The following STXBP5L variants were observed in gnomAD, a reference collection of about 807,000 sequenced individuals.
STXBP5L encodes syntaxin binding protein 5L.
A neutral mutation model predicts 144.5 loss-of-function variants in STXBP5L; 65 were observed. The observed-to-expected ratio is 0.45, with a 90% CI of 0.37 to 0.55. The LOEUF is 0.55. Ranked by LOEUF, STXBP5L falls within the 20% of genes least tolerant of loss-of-function variation. STXBP5L has a pLI of 0.00. For missense variants in STXBP5L, 1,298 were observed against 1,405.5 expected (o/e 0.92, Z 1.22); for synonymous variants, 505 against 469.6 (o/e 1.08, Z -0.97).
At position 121,036,997 on chromosome 3, in the gene STXBP5L, G is replaced by A. The variant is rs115128027; in HGVS notation, c.288-4703G>A. Among the ~76,000 whole-genome samples, 1,012 of 151,980 alleles carry A rather than the reference G, an allele frequency of 6.7e-3. 7 individuals carry two copies. Among genetic ancestry groups the A allele is most frequent in the African/African-American group, 0.022 (893 of 41,484 alleles). On this transcript the variant is annotated intron_variant, in intron 3 of 26. Transcript: ENST00000471454. ...GCTTGAGTTCAGTGGCATGGTCATA[G>A]CTCACTAAAGCCTCAAACTCCTGGG...
chr3:121,180,407 C>T, intron 9 of STXBP5L, among the ~76,000 whole-genome samples: 1 of 152,180 alleles, frequency 6.6e-6, no homozygotes, highest in Non-Finnish European at 1.5e-5. Context: ...GCCACTACTA[C>T]ACCAGCAGTA....
At chr3:121,260,977 G>A (rs1436049722) in intron 18 of STXBP5L, among the ~76,000 whole-genome samples, 3 of 152,116 alleles carry the variant, frequency 2.0e-5, no homozygotes, top group Non-Finnish European at 4.4e-5. Context: ...ATAGCCTACT[G>A]TTTCATTATT....
rs191123632 is a variant in STXBP5L at position 120,940,870 on chromosome 3, A to G, written c.190-14070A>G. ...TGGCAAGAATTGGGCCTGTTAATAT[A>G]TATAATTTGATGTGTTTCTTTGAAG... is the stretch of plus-strand genomic sequence containing the variant. On this transcript the variant is annotated intron_variant, in intron 2 of 26. Coordinates refer to ENST00000471454, the MANE Select transcript of STXBP5L (RefSeq NM_001308330.2). Among the ~76,000 whole-genome samples, 14 of 151,802 alleles carry G rather than the reference A, an allele frequency of 9.2e-5. No homozygotes were observed. The East Asian group carries it at 1.4e-3, about 15-fold the overall frequency.
chr3:121,312,841 A>G (rs2043592274), intron 19 of STXBP5L, among the ~76,000 whole-genome samples: 1 of 152,106 alleles, frequency 6.6e-6, no homozygotes, highest in Non-Finnish European at 1.5e-5. Context: ...ACAAAATGAA[A>G]AGTCTCCCAT....
intron 10 of STXBP5L, among the ~76,000 whole-genome samples, chr3:121,210,062 T>C (rs913931031): frequency 6.6e-6 from 1 of 152,302 alleles, no homozygotes; most frequent in African/African-American, 2.4e-5. Flanking sequence ...AGTGTAAAAG[T>C]GTTCCTATTT....
Position 121,318,460 on chromosome 3 carries a change from TCA to T in STXBP5L, c.2111-14_2111-13del. 6.5e-7 allele frequency: 1 copy of T among 1,537,322 alleles called. No homozygotes were observed. Reference sequence around the variant, plus strand: ...CTAGCAAAATTTATCTCATTTTTTTTCATTGTATTTTCAGGTTTAACTGAACT... The same window carrying T: ...CTAGCAAAATTTATCTCATTTTTTTTTTGTATTTTCAGGTTTAACTGAACT... On this transcript the variant is annotated splice_polypyrimidine_tract_variant and intron_variant, in intron 19 of 26. Coordinates refer to ENST00000471454, the MANE Select transcript of STXBP5L (RefSeq NM_001308330.2).
chr3:120,924,357 A>G (rs1049152306), intron 2 of STXBP5L, among the ~76,000 whole-genome samples: 1 of 152,212 alleles, frequency 6.6e-6, no homozygotes, highest in African/African-American at 2.4e-5. Flanking sequence ...TACAGGCATA[A>G]GACTTCTATT....
chr3:121,262,571 T>C (rs1383487983), intron 18 of STXBP5L, among the ~76,000 whole-genome samples: 1 of 151,964 alleles, frequency 6.6e-6, no homozygotes, highest in Non-Finnish European at 1.5e-5. Context: ...TGCAGTGAGT[T>C]GAGATTGTGC....
At chr3:120,994,608 A>T (rs1943190524) in intron 3 of STXBP5L, among the ~76,000 whole-genome samples, 1 of 152,008 alleles carries the variant, frequency 6.6e-6, no homozygotes. Context: ...ATGTTGAAGT[A>T]CCCTTGCCTC....
At position 121,118,392 on chromosome 3, in the gene STXBP5L, A is replaced by G. The variant is rs2044320822; in HGVS notation, c.606-3249A>G. ...GAACATTCCGGGCAGAGGGAACAGA[A>G]TATTTAAAGGATGGAATATAAGATA... is the stretch of plus-strand genomic sequence containing the variant. On this transcript the variant is annotated intron_variant, in intron 6 of 26. Coordinates refer to ENST00000471454, the MANE Select transcript of STXBP5L (RefSeq NM_001308330.2). Among the ~76,000 whole-genome samples, 9 of 151,830 alleles carry G rather than the reference A, an allele frequency of 5.9e-5. 1 individual carries two copies. The South Asian group carries it at 1.9e-3, about 31-fold the overall frequency.
chr3:121,215,209 G>T (rs1366505629), intron 10 of STXBP5L, among the ~76,000 whole-genome samples: 1 of 152,064 alleles, frequency 6.6e-6, no homozygotes, highest in Non-Finnish European at 1.5e-5. Context: ...TACATTTAAG[G>T]TTAATATTGT....
intron 5 of STXBP5L, among the ~76,000 whole-genome samples, chr3:121,047,071 A>G (rs1282788097): frequency 6.6e-6 from 1 of 152,118 alleles, no homozygotes; most frequent in Non-Finnish European, 1.5e-5. Context: ...CAGTAGTTCC[A>G]GAGAATTTCT....
intron 10 of STXBP5L, 66 bp from the exon 11 acceptor site, chr3:121,222,937 T>A (rs2049017216): frequency 1.3e-6 from 2 of 1,515,632 alleles, no homozygotes; most frequent in African/African-American, 2.8e-5. Flanking sequence ...CTTTATAGGT[T>A]CAGTCCTGTG....
At chr3:121,169,577 A>G (rs2046629993) in intron 9 of STXBP5L, among the ~76,000 whole-genome samples, 1 of 152,246 alleles carries the variant, frequency 6.6e-6, no homozygotes, top group Non-Finnish European at 1.5e-5. Flanking sequence ...CTTTAAACCA[A>G]CAAAGATCAA....
At chr3:121,368,515 G>A (rs1455756604) in intron 20 of STXBP5L, among the ~76,000 whole-genome samples, 2 of 150,950 alleles carry the variant, frequency 1.3e-5, no homozygotes, top group South Asian at 4.2e-4. Flanking sequence ...CTTTCAATGG[G>A]CCATCCTTCC....
chr3:121,137,464 C>T (rs771597396), intron 7 of STXBP5L, among the ~76,000 whole-genome samples: 10 of 152,028 alleles, frequency 6.6e-5, no homozygotes, highest in Non-Finnish European at 1.5e-4. Context: ...ATACCAAAAC[C>T]AGGTAAGGAC....
intron 20 of STXBP5L, among the ~76,000 whole-genome samples, chr3:121,343,031 T>C (rs2044785792): frequency 6.6e-6 from 1 of 151,874 alleles, no homozygotes; most frequent in African/African-American, 2.4e-5. Context: ...TTTTTAATGA[T>C]TGTCATTCTA....
chr3:120,992,274 A>G (rs1324329263), intron 3 of STXBP5L, among the ~76,000 whole-genome samples: 1 of 152,154 alleles, frequency 6.6e-6, no homozygotes, highest in Non-Finnish European at 1.5e-5. Context: ...CATTACCTCA[A>G]GTGTTTATTA....
intron 3 of STXBP5L, among the ~76,000 whole-genome samples, chr3:120,965,239 C>T (rs895266816): frequency 6.6e-6 from 1 of 152,098 alleles, no homozygotes; most frequent in African/African-American, 2.4e-5. Context: ...ATCCAATTTG[C>T]CAGTCTGTGT....
Sources: allele counts gnomAD v4.1 joint callset (sites outside exome capture counted in the v4.1 genomes callset), GRCh38; gene constraint gnomAD v4.1.1; transcripts MANE v1.5; gene names NCBI Gene and HGNC (gene_info 2026-07-23, HGNC 2026-07-21).